The following TAFA2 variants were observed in gnomAD, a reference collection of about 807,000 sequenced individuals.
TAFA2 encodes TAFA chemokine like family member 2, also known as chemokine-like protein TAFA-2.
Under a neutral mutation model 18.8 loss-of-function variants are expected in TAFA2, and 7 were observed. That is an observed-to-expected ratio of 0.37 (90% CI 0.21 to 0.70). The LOEUF (loss-of-function observed/expected upper bound fraction) is 0.70, where lower values mean the gene tolerates loss of function less well. Ranked by LOEUF, TAFA2 falls within the 30% of genes least tolerant of loss-of-function variation. TAFA2 has a pLI of 0.53. For synonymous variants in TAFA2, 60 were observed against 54.2 expected (o/e 1.11, Z -0.47); for missense variants, 122 against 158.1 (o/e 0.77, Z 1.23).
At chr12:61,837,669 G>T (rs935537925) in intron 2 of TAFA2, among the ~76,000 whole-genome samples, 3 of 151,910 alleles carry the variant, frequency 2.0e-5, no homozygotes, top group Non-Finnish European at 4.4e-5. Flanking sequence ...ACTGAGACTT[G>T]GTGTTCAGTG....
chr12:61,918,943 C>T (rs781437236), intron 1 of TAFA2, among the ~76,000 whole-genome samples: 9 of 152,152 alleles, frequency 5.9e-5, no homozygotes, highest in Non-Finnish European at 1.0e-4. Flanking sequence ...CTGTGCTAGC[C>T]GTATTTCCTC....
chr12:62,258,182 T>C (rs1001127749), intron 1 of TAFA2: 1 of 152,222 alleles, frequency 6.6e-6, no homozygotes, highest in African/African-American at 2.4e-5. Context: ...AGAACCATGC[T>C]AGGCACTCTG....
chr12:62,214,528 C>T (rs1027906917), intron 1 of TAFA2, among the ~76,000 whole-genome samples: 1 of 152,146 alleles, frequency 6.6e-6, no homozygotes, highest in African/African-American at 2.4e-5. Flanking sequence ...AATTAATACA[C>T]CCCCAAAAAT....
intron 1 of TAFA2, among the ~76,000 whole-genome samples, chr12:62,062,920 G>A (rs1321197739): frequency 3.3e-5 from 5 of 152,006 alleles, no homozygotes; most frequent in African/African-American, 4.8e-5. Context: ...CAGCAACAGC[G>A]GATGGAGTCC....
Position 61,833,077 on chromosome 12 carries a change from A to AAT in TAFA2, c.106+34241_106+34242dup, listed in dbSNP as rs920370348. Among the ~76,000 whole-genome samples the AAT allele has an allele frequency of 8.2e-5, 12 of 147,112 alleles. No homozygotes were observed. The East Asian group carries it at 9.8e-4, about 12-fold the overall frequency. ...ATAAATAAATATATATACATATATA[A>AAT]ATATATATATATTATATATATGATT... On this transcript the variant is annotated intron_variant, in intron 2 of 4. Transcript: ENST00000416284.
intron 1 of TAFA2, among the ~76,000 whole-genome samples, chr12:62,059,744 C>T (rs348667): frequency 0.83 from 125,741 of 152,110 alleles, 52,148 homozygotes; most frequent in Middle Eastern, 0.87. Flanking sequence ...ACAAATTCCA[C>T]TTTCAGCTAT....
At chr12:61,768,382 T>C (rs900166272) in intron 2 of TAFA2, among the ~76,000 whole-genome samples, 2 of 152,090 alleles carry the variant, frequency 1.3e-5, no homozygotes, top group South Asian at 2.1e-4. Flanking sequence ...TGGAGACTCA[T>C]ACTGTGAACT....
intron 1 of TAFA2, among the ~76,000 whole-genome samples, chr12:62,229,130 G>C (rs968972634): frequency 6.6e-6 from 1 of 151,732 alleles, no homozygotes; most frequent in Non-Finnish European, 1.5e-5. Context: ...TAGGTTTTTC[G>C]AAATATACTA....
At chr12:62,184,030 A>G (rs948258036) in intron 1 of TAFA2, among the ~76,000 whole-genome samples, 1 of 152,188 alleles carries the variant, frequency 6.6e-6, no homozygotes, top group Admixed American at 6.5e-5. Flanking sequence ...AATCTGATTC[A>G]ATTTTATGTC....
chr12:62,071,743 C>T (rs540369205), intron 1 of TAFA2, among the ~76,000 whole-genome samples: 3 of 152,128 alleles, frequency 2.0e-5, no homozygotes, highest in Non-Finnish European at 4.4e-5. Context: ...TTTAATCATA[C>T]CTGGCTGACA....
chr12:62,059,462 A>G (rs889517728), intron 1 of TAFA2, among the ~76,000 whole-genome samples: 21 of 152,188 alleles, frequency 1.4e-4, no homozygotes, highest in African/African-American at 5.1e-4. Flanking sequence ...CTATGTTAAT[A>G]AATAGAATGT....
At chr12:62,196,618 TATTA>T (rs1294563774), upstream of TAFA2, among the ~76,000 whole-genome samples, 4 of 152,190 alleles carry the variant, frequency 2.6e-5, no homozygotes, top group African/African-American at 9.7e-5. Flanking sequence ...ACACAACATT[TATTA>T]ATTAAGTTTG....
intron 4 of TAFA2, among the ~76,000 whole-genome samples, chr12:61,739,770 C>T (rs1048053814): frequency 3.3e-5 from 5 of 152,074 alleles, no homozygotes; most frequent in Admixed American, 2.0e-4. Flanking sequence ...TCTGGCCAGA[C>T]ATTTGCCTTC....
At chr12:62,230,131 C>G (rs1384665315) in intron 1 of TAFA2, among the ~76,000 whole-genome samples, 1 of 151,498 alleles carries the variant, frequency 6.6e-6, no homozygotes, top group African/African-American at 2.4e-5. Flanking sequence ...CTTAGTCTAG[C>G]TAAGGTTATG....
chr12:62,008,735 G>T (rs1217140313), intron 1 of TAFA2, among the ~76,000 whole-genome samples: 1 of 152,104 alleles, frequency 6.6e-6, no homozygotes, highest in African/African-American at 2.4e-5. Context: ...TGTCTGTCTG[G>T]ATGCATCAGG....
At chr12:62,107,501 C>T (rs1371606082) in intron 1 of TAFA2, among the ~76,000 whole-genome samples, 1 of 152,142 alleles carries the variant, frequency 6.6e-6, no homozygotes, top group Non-Finnish European at 1.5e-5. Context: ...TCAATTTTAG[C>T]CTAGGGACCT....
intron 2 of TAFA2, among the ~76,000 whole-genome samples, chr12:61,806,290 T>C (rs2219260): frequency 0.28 from 42,973 of 151,996 alleles, 6,790 homozygotes; most frequent in South Asian, 0.4. Flanking sequence ...TTGTGATAAC[T>C]AATGAGTCTC....
At chr12:62,141,738 A>G (rs1260063398) in intron 1 of TAFA2, among the ~76,000 whole-genome samples, 1 of 152,166 alleles carries the variant, frequency 6.6e-6, no homozygotes, top group Non-Finnish European at 1.5e-5. Flanking sequence ...CCATGCCCCA[A>G]ACAGGGGGAG....
chr12:61,809,068 G>T (rs1472602983), intron 2 of TAFA2, among the ~76,000 whole-genome samples: 1 of 151,552 alleles, frequency 6.6e-6, no homozygotes, highest in Non-Finnish European at 1.5e-5. Flanking sequence ...ACCCAAGTTT[G>T]AAGTATGTGA....
Sources: allele counts gnomAD v4.1 joint callset (sites outside exome capture counted in the v4.1 genomes callset), GRCh38; gene constraint gnomAD v4.1.1; transcripts MANE v1.5; gene names NCBI Gene and HGNC (gene_info 2026-07-23, HGNC 2026-07-21).